LPAR3: variants seen among roughly 807,000 people sequenced by gnomAD.
LPAR3 encodes the protein LPA receptor 3.
Under a neutral mutation model 17.8 loss-of-function variants are expected in LPAR3, and 7 were observed. That is an observed-to-expected ratio of 0.39 (90% CI 0.22 to 0.74). LPAR3 has a LOEUF of 0.74. Among genes scored for constraint, LPAR3 ranks in the 30% least tolerant of loss-of-function variants. LPAR3 has a pLI of 0.40. For synonymous variants in LPAR3, 179 were observed against 179.9 expected (o/e 0.99, Z 0.04); for missense variants, 391 against 453.4 (o/e 0.86, Z 1.25).
intron 2 of LPAR3, among the ~76,000 whole-genome samples, chr1:84,823,568 T>C (rs984135985): frequency 6.6e-6 from 1 of 152,194 alleles, no homozygotes; most frequent in Non-Finnish European, 1.5e-5. Flanking sequence ...TGTGGCCAGC[T>C]TTCCAGCTTT....
intron 1 of LPAR3, among the ~76,000 whole-genome samples, chr1:84,877,153 GAAGA>G (rs1660274360): frequency 6.6e-6 from 1 of 152,190 alleles, no homozygotes; most frequent in Non-Finnish European, 1.5e-5. Flanking sequence ...TACAGAGAAG[GAAGA>G]AATAGACTTT....
At chr1:84,816,490 G>A (rs914099722) in intron 2 of LPAR3, among the ~76,000 whole-genome samples, 1 of 152,120 alleles carries the variant, frequency 6.6e-6, no homozygotes, top group African/African-American at 2.4e-5. Flanking sequence ...CTGAACAATG[G>A]TTTCTTCTCT....
At chr1:84,878,823 T>C (rs1011392650) in intron 1 of LPAR3, among the ~76,000 whole-genome samples, 5 of 152,290 alleles carry the variant, frequency 3.3e-5, no homozygotes, top group Non-Finnish European at 4.4e-5. Flanking sequence ...CAAACTACAC[T>C]GGCTAGGACC....
At chr1:84,816,881 C>A (rs556243624) in intron 2 of LPAR3, among the ~76,000 whole-genome samples, 1 of 152,176 alleles carries the variant, frequency 6.6e-6, no homozygotes, top group South Asian at 2.1e-4. Flanking sequence ...CTGTTGTACT[C>A]TTCCATTTGT....
Position 84,870,320 on chromosome 1 carries a change from A to G in LPAR3, c.-18-4182T>C, listed in dbSNP as rs367711150. Among the ~76,000 whole-genome samples the G allele has an allele frequency of 1.2e-4, 18 of 152,328 alleles. No homozygotes were observed. In the East Asian group the frequency reaches 1.5e-3, roughly 13 times the overall value. On this transcript the variant is annotated intron_variant, in intron 1 of 2. Coordinates refer to ENST00000370611, the MANE Select transcript of LPAR3 (RefSeq NM_012152.3). The stretch of plus-strand genomic sequence containing the variant: ...ATTTTCTTTTGTTGCTTAAGAATTT[A>G]TTGTCCATCTCCCACCCCTAGACCG...
intron 1 of LPAR3, among the ~76,000 whole-genome samples, chr1:84,883,189 G>T (rs910596761): frequency 6.6e-6 from 1 of 152,176 alleles, no homozygotes; most frequent in East Asian, 1.9e-4. Flanking sequence ...AAGGTCTAGA[G>T]GAGTCAGAGA....
chr1:84,822,935 A>G (rs1196946367), intron 2 of LPAR3, among the ~76,000 whole-genome samples: 1 of 152,196 alleles, frequency 6.6e-6, no homozygotes, highest in African/African-American at 2.4e-5. Flanking sequence ...ATGGACTACT[A>G]ATTTCATCAC....
intron 1 of LPAR3, among the ~76,000 whole-genome samples, chr1:84,880,572 G>A (rs1202721109): frequency 6.6e-6 from 1 of 152,178 alleles, no homozygotes; most frequent in African/African-American, 2.4e-5. Context: ...TGCTGCAGAG[G>A]ACCTCAGAGT....
At chr1:84,821,713 T>C (rs1287268717) in intron 2 of LPAR3, among the ~76,000 whole-genome samples, 2 of 152,010 alleles carry the variant, frequency 1.3e-5, no homozygotes, top group Non-Finnish European at 2.9e-5. Flanking sequence ...AAAATCCAGG[T>C]GAAACTATCA....
chr1:84,827,899 G>T (rs1659193365), intron 2 of LPAR3, among the ~76,000 whole-genome samples: 1 of 151,938 alleles, frequency 6.6e-6, no homozygotes, highest in African/African-American at 2.4e-5. Context: ...ATATCCACAT[G>T]GGCTAATTTT....
intron 1 of LPAR3, among the ~76,000 whole-genome samples, chr1:84,876,623 G>T (rs1247107966): frequency 6.6e-6 from 1 of 151,988 alleles, no homozygotes; most frequent in Non-Finnish European, 1.5e-5. Context: ...TACGATCTCT[G>T]CCCTCACTCT....
intron 1 of LPAR3, among the ~76,000 whole-genome samples, chr1:84,879,523 G>A (rs528431297): frequency 6.6e-6 from 1 of 152,096 alleles, no homozygotes; most frequent in African/African-American, 2.4e-5. Flanking sequence ...GTGTTAGCCA[G>A]GATGGTCTTA....
intron 1 of LPAR3, among the ~76,000 whole-genome samples, chr1:84,873,362 A>T (rs917000733): frequency 6.6e-6 from 1 of 152,224 alleles, no homozygotes; most frequent in Non-Finnish European, 1.5e-5. Flanking sequence ...TATATAGAAG[A>T]CTGCTCTGTA....
In LPAR3 at chr1:84,853,209, C is replaced by T. The variant is rs140768750; in HGVS notation, c.736+12176G>A. On this transcript the variant is annotated intron_variant, in intron 2 of 2. Coordinates refer to ENST00000370611, the MANE Select transcript of LPAR3 (RefSeq NM_012152.3). ...TAAGGTCAGGGCTTACATTTTTGAA[C>T]GATCAAGCTCATAGGAAAGCAAGAA... is the stretch of plus-strand genomic sequence containing the variant. Among the ~76,000 whole-genome samples the T allele has an allele frequency of 2.7e-3, 416 of 151,574 alleles. 5 individuals are homozygous for T. The highest frequency in any genetic ancestry group is 9.7e-3 in the African/African-American group (400 of 41,342).
Position 84,866,865 on chromosome 1 carries a change from C to T in LPAR3, c.-18-727G>A, listed in dbSNP as rs925508768. The stretch of plus-strand genomic sequence containing the variant: ...TCCCTTCCTTACCTTTTGTTCACTT[C>T]TTCCTTATAGTCTCCTAACCCAAAC... On this transcript the variant is annotated intron_variant, in intron 1 of 2. Coordinates refer to ENST00000370611, the MANE Select transcript of LPAR3 (RefSeq NM_012152.3). 2.6e-5 allele frequency among the ~76,000 whole-genome samples: 4 copies of T among 152,196 alleles called. No homozygotes were observed. In the South Asian group the frequency reaches 6.2e-4, roughly 24 times the overall value.
At chr1:84,848,072 C>T (rs1659625645) in intron 2 of LPAR3, among the ~76,000 whole-genome samples, 1 of 152,192 alleles carries the variant, frequency 6.6e-6, no homozygotes, top group South Asian at 2.1e-4. Context: ...CAGGCATGGG[C>T]CTTTGTGAGT....
intron 1 of LPAR3, among the ~76,000 whole-genome samples, chr1:84,874,667 T>A (rs961763056): frequency 8.5e-5 from 13 of 152,210 alleles, no homozygotes; most frequent in African/African-American, 3.1e-4. Flanking sequence ...GTTTGCTTTA[T>A]ATAAAATTTT....
chr1:84,849,372 C>CA (rs34239236), intron 2 of LPAR3, among the ~76,000 whole-genome samples: 50,321 of 77,460 alleles, frequency 0.65, 15,566 homozygotes, highest in African/African-American at 0.67. Context: ...AGACTCATCT[C>CA]AAAAAAAAAA....
At chr1:84,870,382 C>T (rs12133565) in intron 1 of LPAR3, among the ~76,000 whole-genome samples, 6,717 of 152,310 alleles carry the variant, frequency 0.044, 157 homozygotes, top group Non-Finnish European at 0.051. Flanking sequence ...GCCTATTATG[C>T]TCATATCTAC....
Sources: gnomAD v4.1 joint callset for allele counts (sites outside exome capture counted in the v4.1 genomes callset) on GRCh38, gnomAD v4.1.1 for gene constraint, MANE v1.5 for transcripts, NCBI Gene and HGNC (gene_info 2026-07-23, HGNC 2026-07-21) for gene names.